Variants in AUTS2 observed in about 807,000 individuals in gnomAD.
AUTS2 encodes the protein activator of transcription and developmental regulator AUTS2.
Under a neutral mutation model 112.4 loss-of-function variants are expected in AUTS2, and 17 were observed. The observed-to-expected ratio is 0.15, with a 90% CI of 0.10 to 0.23. The LOEUF is 0.23. Ranked by LOEUF, AUTS2 falls within the 10% of genes least tolerant of loss-of-function variation. The pLI is 1.00. For missense variants in AUTS2, 1,510 were observed against 1,701.6 expected (o/e 0.89, Z 1.98); for synonymous variants, 751 against 702.7 (o/e 1.07, Z -1.09).
rs1809881389 is a variant in AUTS2 at position 70,191,381 on chromosome 7, C to A, written c.660+56810C>A. 2.0e-5 allele frequency among the ~76,000 whole-genome samples: 3 copies of A among 151,956 alleles called. No individual in the cohort carries two copies. In the South Asian group the frequency reaches 6.2e-4, roughly 32 times the overall value. ...AGAGACGGGGTTTAACCATATTAGC[C>A]AGGATGGTCTCGGTCTCCTGACCTC... On this transcript the variant is annotated intron_variant, in intron 4 of 18. Transcript: ENST00000342771.
chr7:69,642,572 T>C (rs1794842694), intron 1 of AUTS2, among the ~76,000 whole-genome samples: 1 of 152,214 alleles, frequency 6.6e-6, no homozygotes, highest in Non-Finnish European at 1.5e-5. Flanking sequence ...CAGTGACGAG[T>C]GTATTCTGTA....
chr7:70,630,916 C>T (rs187356391), intron 5 of AUTS2, among the ~76,000 whole-genome samples: 241 of 152,252 alleles, frequency 1.6e-3, no homozygotes, highest in Non-Finnish European at 2.8e-3. Context: ...TATTGTCTAT[C>T]GGGACTTAAT....
chr7:70,303,412 G>A (rs562901060), intron 4 of AUTS2, among the ~76,000 whole-genome samples: 6 of 146,322 alleles, frequency 4.1e-5, no homozygotes, highest in East Asian at 4.1e-4. Flanking sequence ...ATGTGTGCAC[G>A]CACACACACA....
chr7:70,192,356 T>TA (rs1223185339), intron 4 of AUTS2, among the ~76,000 whole-genome samples: 1 of 152,234 alleles, frequency 6.6e-6, no homozygotes, highest in African/African-American at 2.4e-5. Flanking sequence ...GTGGGCCCTC[T>TA]AATTCTGACA....
chr7:69,671,428 G>A (rs1403507550), intron 1 of AUTS2, among the ~76,000 whole-genome samples: 1 of 150,830 alleles, frequency 6.6e-6, no homozygotes, highest in African/African-American at 2.4e-5. Context: ...TGATACTTAG[G>A]TATTATAAAA....
intron 2 of AUTS2, among the ~76,000 whole-genome samples, chr7:69,917,991 C>T (rs1485309874): frequency 2.6e-5 from 4 of 152,008 alleles, no homozygotes; most frequent in Admixed American, 6.6e-5. Context: ...TACAGGTGCC[C>T]GCCACCACAC....
At chr7:70,630,024 A>C (rs1043071107) in intron 5 of AUTS2, among the ~76,000 whole-genome samples, 3 of 152,186 alleles carry the variant, frequency 2.0e-5, no homozygotes, top group Non-Finnish European at 2.9e-5. Context: ...ATTTCTGTTC[A>C]TCTTTCCATT....
intron 2 of AUTS2, among the ~76,000 whole-genome samples, chr7:70,081,467 A>G (rs1029390608): frequency 1.3e-5 from 2 of 151,354 alleles, no homozygotes; most frequent in African/African-American, 4.9e-5. Flanking sequence ...AGGCTGAGTC[A>G]GGAGAATCGC....
chr7:70,137,745 AC>A (rs1381203012), intron 4 of AUTS2, among the ~76,000 whole-genome samples: 3 of 152,210 alleles, frequency 2.0e-5, no homozygotes, highest in East Asian at 3.9e-4. Context: ...ACTCTATACT[AC>A]CAAATAATAA....
chr7:69,689,343 A>ATTTTTTTTTTTTTTTTTTTTTTTTTTT (rs530444257), intron 1 of AUTS2, among the ~76,000 whole-genome samples: 2 of 102,498 alleles, frequency 2.0e-5, no homozygotes, highest in Non-Finnish European at 3.8e-5. Context: ...TAATTAATTA[A>ATTTTTTTTTTTTTTTTTTTTTTTTTTT]TTTTTTTTTT....
intron 2 of AUTS2, among the ~76,000 whole-genome samples, chr7:70,051,770 T>A (rs1801767192): frequency 6.6e-6 from 1 of 152,190 alleles, no homozygotes; most frequent in South Asian, 2.1e-4. Flanking sequence ...AAGGGATATT[T>A]ATTGAAACCA....
intron 2 of AUTS2, among the ~76,000 whole-genome samples, chr7:70,034,466 A>G (rs1021583157): frequency 6.6e-6 from 1 of 151,668 alleles, no homozygotes; most frequent in Non-Finnish European, 1.5e-5. Flanking sequence ...GAAGGAGTAG[A>G]GTGATATCAC....
intron 5 of AUTS2, among the ~76,000 whole-genome samples, chr7:70,456,646 G>A (rs1351855505): frequency 6.6e-6 from 1 of 152,224 alleles, no homozygotes; most frequent in Non-Finnish European, 1.5e-5. Flanking sequence ...CTGGCTGGAG[G>A]ATCTAGGTGT....
intron 5 of AUTS2, among the ~76,000 whole-genome samples, chr7:70,620,937 AC>A (rs1563081476): frequency 6.6e-6 from 1 of 152,142 alleles, no homozygotes; most frequent in African/African-American, 2.4e-5. Flanking sequence ...TGGTCAGAAG[AC>A]CAGTTCAGCA....
intron 2 of AUTS2, among the ~76,000 whole-genome samples, chr7:70,005,107 G>A (rs1358686427): frequency 6.6e-6 from 1 of 151,842 alleles, no homozygotes. Flanking sequence ...TTAGAGGTGC[G>A]AGCCACCGCG....
chr7:70,038,392 C>T (rs559873817), intron 2 of AUTS2, among the ~76,000 whole-genome samples: 49 of 152,236 alleles, frequency 3.2e-4, no homozygotes, highest in Non-Finnish European at 5.7e-4. Context: ...GCTGCCCACA[C>T]GGTTTCAAAA....
intron 1 of AUTS2, among the ~76,000 whole-genome samples, chr7:69,697,599 C>T (rs1797611567): frequency 6.6e-6 from 1 of 152,198 alleles, no homozygotes; most frequent in African/African-American, 2.4e-5. Context: ...GAATCTTCTG[C>T]AGCTTAGGAT....
chr7:70,256,745 G>A (rs1786894414), intron 4 of AUTS2, among the ~76,000 whole-genome samples: 1 of 152,046 alleles, frequency 6.6e-6, no homozygotes, highest in South Asian at 2.1e-4. Flanking sequence ...TCTGCCAGTT[G>A]GGTTCATTTA....
intron 4 of AUTS2, among the ~76,000 whole-genome samples, chr7:70,337,170 G>C (rs1791029904): frequency 6.6e-6 from 1 of 152,198 alleles, no homozygotes; most frequent in Non-Finnish European, 1.5e-5. Flanking sequence ...TGGGAAAGCA[G>C]TGATCAGATT....
Sources: allele counts gnomAD v4.1 joint callset (sites outside exome capture counted in the v4.1 genomes callset), GRCh38; gene constraint gnomAD v4.1.1; transcripts MANE v1.5; gene names NCBI Gene and HGNC (gene_info 2026-07-23, HGNC 2026-07-21).